The following ZNF350 variants were observed in gnomAD, a reference collection of about 807,000 sequenced individuals.
ZNF350 encodes the protein zinc finger protein 350.
A neutral mutation model predicts 13.1 loss-of-function variants in ZNF350; 5 were observed. That is an observed-to-expected ratio of 0.38 (90% CI 0.20 to 0.80). The LOEUF is 0.80. Among genes scored for constraint, ZNF350 ranks in the 30% least tolerant of loss-of-function variants. ZNF350 has a pLI of 0.43. For missense variants in ZNF350, 534 were observed against 644.2 expected, an observed-to-expected ratio of 0.83 and a Z score of 1.85; for synonymous variants, 199 against 224.2, an observed-to-expected ratio of 0.89 and a Z score of 1.00.
At chr19:51,966,709 A>G (rs946522140) in intron 4 of ZNF350, among the ~76,000 whole-genome samples, 2 of 149,758 alleles carry the variant, frequency 1.3e-5, no homozygotes, top group Admixed American at 1.3e-4. Context: ...GTGCAGTGAC[A>G]TGATCCCGGC....
chr19:51,981,336 A>G (rs943613619), intron 1 of ZNF350: 8 of 148,010 alleles, frequency 5.4e-5, no homozygotes, highest in Admixed American at 6.8e-5. Context: ...CACTAGAGGT[A>G]AGGTGCTCCC....
intron 2 of ZNF350, among the ~76,000 whole-genome samples, chr19:51,970,059 ATT>A (rs60960172): frequency 4.4e-5 from 5 of 114,436 alleles, no homozygotes; most frequent in Non-Finnish European, 5.2e-5. Flanking sequence ...CGCCTGGCTA[ATT>A]TTTTTTTTTT....
At chr19:51,981,109 A>G (rs978789380) in intron 1 of ZNF350, 8 of 152,288 alleles carry the variant, frequency 5.3e-5, no homozygotes, top group South Asian at 2.1e-4. Flanking sequence ...TATCATGAAT[A>G]CAGGATGTGA....
At chr19:51,974,672 TTA>T (rs1181277836) in intron 1 of ZNF350, 141 bp from the exon 2 acceptor site, 3 of 248,128 alleles carry the variant, frequency 1.2e-5, no homozygotes, top group East Asian at 1.4e-4. Context: ...CCAGCGGATT[TTA>T]TACCTGTGGC....
chr19:51,983,413 A>G (rs914392761), intron 1 of ZNF350, among the ~76,000 whole-genome samples: 23 of 152,232 alleles, frequency 1.5e-4, no homozygotes, highest in Non-Finnish European at 7.3e-5. Flanking sequence ...TGAAAGAGGA[A>G]GACCTCTTTA....
chr19:51,965,254 C>G lies in ZNF350; in HGVS notation c.1199G>C (p.Arg400Thr), dbSNP rs200843965. ...CCCACACTCGTTACAGCCATAGGGT[C>G]TCTCTCCTGTATGAGTCCTTTGATG... ...IVHQRTHTGE[R>T]PYGCNECGKA... The change falls in exon 5 of 5, where the codon AGA (arginine) becomes ACA (threonine). Residue 400 changes from arginine to threonine, a missense_variant. Physicochemically the swap from Arg to Thr is moderately conservative, Grantham distance 71 (BLOSUM62 -1). Coordinates refer to ENST00000243644, the MANE Select transcript of ZNF350 (RefSeq NM_021632.4). 102 of 1,614,086 alleles carry G rather than the reference C, an allele frequency of 6.3e-5. No individual in the cohort carries two copies. Among genetic ancestry groups the G allele is most frequent in the Non-Finnish European group, 2.1e-5 (25 of 1,180,048 alleles).
At chr19:51,978,042 T>C (rs2085942563) in intron 1 of ZNF350, among the ~76,000 whole-genome samples, 2 of 152,222 alleles carry the variant, frequency 1.3e-5, no homozygotes, top group Admixed American at 1.3e-4. Flanking sequence ...AGCAGGACTC[T>C]GTACTCGCCA....
At chr19:51,985,392 T>A (rs117988425) in intron 1 of ZNF350, among the ~76,000 whole-genome samples, 4,047 of 152,286 alleles carry the variant, frequency 0.027, 70 homozygotes, top group Middle Eastern at 0.048. Flanking sequence ...TTAATGTTAT[T>A]TTCAGGCGAT....
At chr19:51,984,951 G>A (rs73934708) in intron 1 of ZNF350, among the ~76,000 whole-genome samples, 6,055 of 152,194 alleles carry the variant, frequency 0.04, 385 homozygotes, top group African/African-American at 0.14. Flanking sequence ...GATATACAGA[G>A]TTTAAAATAG....
At chr19:51,978,113 A>G (rs1294602237) in intron 1 of ZNF350, among the ~76,000 whole-genome samples, 1 of 152,158 alleles carries the variant, frequency 6.6e-6, no homozygotes, top group African/African-American at 2.4e-5. Context: ...ATGGCACCCC[A>G]TTGGTAAATG....
At position 51,966,064 on chromosome 19, in the gene ZNF350, T is replaced by C; in HGVS notation, c.389A>G (p.Asp130Gly). 1.2e-6 allele frequency: 2 copies of C among 1,614,084 alleles called. No individual in the cohort carries two copies. Among genetic ancestry groups the C allele is most frequent in the Middle Eastern group, 1.6e-4 (1 of 6,062 alleles). The change falls in exon 5 of 5, where the codon GAC (aspartate) becomes GGC (glycine). Residue 130 changes from aspartate to glycine, a missense_variant. Asp to Gly is a moderately conservative substitution (Grantham distance 94). Transcript: ENST00000243644. ...FLLGQNHDIF[D>G]LRGKSLKSNL... ...GGATTTCAAACTTTTTCCACGTAAG[T>C]CAAATATATCATGATTTTGCCCTAA...
intron 2 of ZNF350, among the ~76,000 whole-genome samples, chr19:51,969,554 A>G (rs2085676579): frequency 6.6e-6 from 1 of 152,148 alleles, no homozygotes; most frequent in Admixed American, 6.5e-5. Context: ...AGTATTGGTC[A>G]GGCACAGTAG....
At chr19:51,966,235 A>T in intron 4 of ZNF350, 21 bp from the exon 5 acceptor site, 1 of 1,521,324 alleles carries the variant, frequency 6.6e-7, no homozygotes, top group East Asian at 2.3e-5. Flanking sequence ...AAGAACAAAG[A>T]TTTCTATCAT....
At chr19:51,972,632 T>A (rs1355481250) in intron 2 of ZNF350, among the ~76,000 whole-genome samples, 1 of 152,044 alleles carries the variant, frequency 6.6e-6, no homozygotes, top group African/African-American at 2.4e-5. Flanking sequence ...TCATGTAAAA[T>A]ATATATATGT....
At position 51,964,980 on chromosome 19, in the gene ZNF350, C is replaced by T. The variant is rs2085522430; in HGVS notation, c.1473G>A (p.Val491=). The change falls in exon 5 of 5, where the codon GTG becomes GTA. Residue 491 remains valine (V), a synonymous_variant. Coordinates refer to ENST00000243644, the MANE Select transcript of ZNF350 (RefSeq NM_021632.4). ...TATCTCCTGAGGCTGCACATCTGACCACTGGCTGTCCCACAAGGACTACGT... is the reference window on the plus strand; with the variant it reads ...TATCTCCTGAGGCTGCACATCTGACTACTGGCTGTCCCACAAGGACTACGT... ...NRNVVLVGQP[V]VRCAASGDNR... is the part of the protein sequence containing the mutation. 1 of 1,614,160 alleles carries T rather than the reference C, an allele frequency of 6.2e-7. No individual in the cohort carries two copies. The highest frequency in any genetic ancestry group is 8.5e-7 in the Non-Finnish European group (1 of 1,180,024).
chr19:51,978,952 T>G (rs2085966246), intron 1 of ZNF350, among the ~76,000 whole-genome samples: 3 of 152,028 alleles, frequency 2.0e-5, no homozygotes, highest in Admixed American at 6.5e-5. Flanking sequence ...GGGAAGAGGG[T>G]ATGCTTGTGT....
In ZNF350 at chr19:51,964,533, C is replaced by G; in HGVS notation, c.*321G>C. On this transcript the variant is annotated 3_prime_UTR_variant, in exon 5 of 5. Coordinates refer to ENST00000243644, the MANE Select transcript of ZNF350 (RefSeq NM_021632.4). ...AGTATTAGCCCTTTCCCACCAACTGCCCCTTATGAAGCTTTTCAGTCACTG... is the reference window on the plus strand; with the variant it reads ...AGTATTAGCCCTTTCCCACCAACTGGCCCTTATGAAGCTTTTCAGTCACTG... 1 of 342,852 alleles carries G rather than the reference C, an allele frequency of 2.9e-6. No individual in the cohort carries two copies. The highest frequency in any genetic ancestry group is 5.7e-5 in the East Asian group (1 of 17,616). The allele number at this position is 342,852 out of a possible 1,614,324, so 21.2% of individuals were successfully genotyped here.
Position 51,974,323 on chromosome 19 carries a change from AAAAC to A in ZNF350, c.15+19_15+22del, listed in dbSNP as rs1423704726. On this transcript the variant is annotated intron_variant, in intron 2 of 4. Transcript: ENST00000243644. ...TCTATTATGGAACAAAGGAAAGAAT[AAAAC>A]AAACCAAAAGTCAGTTACCTGGGCC... The A allele has an allele frequency of 1.2e-6, 2 of 1,613,452 alleles. No individual in the cohort carries two copies. Among genetic ancestry groups the A allele is most frequent in the Non-Finnish European group, 1.7e-6 (2 of 1,179,664 alleles).
intron 1 of ZNF350, among the ~76,000 whole-genome samples, chr19:51,979,610 A>G (rs1235094573): frequency 6.6e-6 from 1 of 152,200 alleles, no homozygotes; most frequent in African/African-American, 2.4e-5. Context: ...GTGCTAACCA[A>G]TCATTCCCAG....
Sources: allele counts gnomAD v4.1 joint callset (sites outside exome capture counted in the v4.1 genomes callset), GRCh38; gene constraint gnomAD v4.1.1; transcripts MANE v1.5; gene names NCBI Gene and HGNC (gene_info 2026-07-23, HGNC 2026-07-21).